The following RFX4 variants were observed in gnomAD, a reference collection of about 807,000 sequenced individuals.
RFX4 encodes the protein transcription factor RFX4.
In RFX4, 10 loss-of-function variants were observed where a neutral mutation model predicts 95.0. The observed-to-expected ratio is 0.11, with a 90% CI of 0.06 to 0.18. The LOEUF (loss-of-function observed/expected upper bound fraction) is 0.18. RFX4 is among the 10% of genes least tolerant of loss of function. The pLI is 1.00. For missense variants in RFX4, 640 were observed against 922.0 expected (o/e 0.69, Z 3.96); for synonymous variants, 321 against 340.7 (o/e 0.94, Z 0.64).
chr12:106,617,163 G>T (rs1181694884), intron 2 of RFX4, among the ~76,000 whole-genome samples: 5 of 152,076 alleles, frequency 3.3e-5, no homozygotes, highest in African/African-American at 9.7e-5. Context: ...TCTTGCCAGG[G>T]TTTATCAATT....
chr12:106,687,139 C>T, intron 6 of RFX4, 42 bp downstream of exon 6: 1 of 1,474,366 alleles, frequency 6.8e-7, no homozygotes, highest in Non-Finnish European at 9.5e-7. Flanking sequence ...GGTGGTTTCT[C>T]TCTCTTTCTC....
chr12:106,659,828 A>G (rs1922429), intron 4 of RFX4, among the ~76,000 whole-genome samples: 31,568 of 152,144 alleles, frequency 0.21, 3,558 homozygotes, highest in South Asian at 0.28. Context: ...TCATTTACAC[A>G]GGATGAGTTA....
rs538218897 is a variant in RFX4, at chr12:106,634,376, A to G, written c.131-4956A>G. On this transcript the variant is annotated intron_variant, in intron 2 of 17. Coordinates refer to ENST00000392842, the MANE Select transcript of RFX4 (RefSeq NM_213594.3). ...GATCCCAGCAGACAGAATTGCTCCA[A>G]AAGCCTCCTGGCCGGCCAGGCACAG... 5.7e-3 allele frequency among the ~76,000 whole-genome samples: 865 copies of G among 152,210 alleles called. 3 individuals carry two copies. The highest frequency in any genetic ancestry group is 8.9e-3 in the Non-Finnish European group (604 of 67,996).
chr12:106,682,852 T>C (rs2041549041), intron 5 of RFX4: 1 of 152,248 alleles, frequency 6.6e-6, no homozygotes, highest in Admixed American at 6.5e-5. Flanking sequence ...CATTAAAATC[T>C]GCATTTATAG....
chr12:106,590,205 T>C (rs1329512531), intron 1 of RFX4, among the ~76,000 whole-genome samples: 1 of 152,256 alleles, frequency 6.6e-6, no homozygotes, highest in African/African-American at 2.4e-5. Flanking sequence ...GGAAGCTTAA[T>C]GTTGCTGAGC....
chr12:106,630,982 C>T (rs769326519), intron 2 of RFX4, among the ~76,000 whole-genome samples: 6 of 152,232 alleles, frequency 3.9e-5, no homozygotes, highest in Non-Finnish European at 8.8e-5. Flanking sequence ...TGCTCTGCCA[C>T]TCACTATGTG....
intron 15 of RFX4, among the ~76,000 whole-genome samples, chr12:106,744,350 T>C (rs534518007): frequency 1.3e-5 from 2 of 152,356 alleles, no homozygotes; most frequent in East Asian, 3.9e-4. Flanking sequence ...GAAAAACATG[T>C]TTAGAAATTT....
rs1050464860 is a variant in RFX4 at position 106,589,090 on chromosome 12, C to T, written c.43+5727C>T. 6.6e-5 allele frequency among the ~76,000 whole-genome samples: 10 copies of T among 152,220 alleles called. No individual in the cohort carries two copies. The South Asian group carries it at 8.3e-4, about 13-fold the overall frequency. On this transcript the variant is annotated intron_variant, in intron 1 of 17. Transcript: ENST00000392842. Reference sequence around the variant, plus strand: ...GCCATAAGGCTCTGCAGGATGGAGACGGTGGGAGAAACCCCCAATGTTGTT... The same window carrying T: ...GCCATAAGGCTCTGCAGGATGGAGATGGTGGGAGAAACCCCCAATGTTGTT...
chr12:106,675,654 A>G (rs2041377964), intron 4 of RFX4, among the ~76,000 whole-genome samples: 1 of 152,226 alleles, frequency 6.6e-6, no homozygotes, highest in African/African-American at 2.4e-5. Flanking sequence ...TCTATGGATC[A>G]CATAACTACG....
intron 3 of RFX4, among the ~76,000 whole-genome samples, chr12:106,652,494 T>A (rs1299079091): frequency 6.6e-6 from 1 of 152,168 alleles, no homozygotes; most frequent in Non-Finnish European, 1.5e-5. Context: ...GATGCAGAAT[T>A]GACTCAGACA....
chr12:106,607,752 G>A (rs985257667), intron 1 of RFX4, among the ~76,000 whole-genome samples: 10 of 148,912 alleles, frequency 6.7e-5, no homozygotes, highest in Admixed American at 6.0e-4. Flanking sequence ...CTTAGCTGAT[G>A]TTGTTGAATG....
At chr12:106,598,490 T>C (rs1373778458) in intron 1 of RFX4, among the ~76,000 whole-genome samples, 1 of 152,096 alleles carries the variant, frequency 6.6e-6, no homozygotes, top group East Asian at 1.9e-4. Context: ...AAAAGAAAGG[T>C]AGTTACCGGG....
intron 2 of RFX4, among the ~76,000 whole-genome samples, chr12:106,622,924 T>C (rs530964033): frequency 6.6e-5 from 10 of 150,666 alleles, no homozygotes; most frequent in Non-Finnish European, 1.3e-4. Context: ...CCTGCCCAAA[T>C]TGCATTTTTT....
rs114998070 is a variant in RFX4, at chr12:106,651,106, A to G, written c.192-3122A>G. Among the ~76,000 whole-genome samples, 1,262 of 152,224 alleles carry G rather than the reference A, an allele frequency of 8.3e-3. 24 individuals carry two copies. Among genetic ancestry groups the G allele is most frequent in the African/African-American group, 0.029 (1,205 of 41,526 alleles). On this transcript the variant is annotated intron_variant, in intron 3 of 17. Transcript: ENST00000392842. ...CATTTAAAGACTCCCTCCACCTCCCATAGTTCTTCCCTTTAGATACCCTTT... is the reference window on the plus strand; with the variant it reads ...CATTTAAAGACTCCCTCCACCTCCCGTAGTTCTTCCCTTTAGATACCCTTT...
At chr12:106,608,775 T>G in intron 1 of RFX4, 22 bp from the exon 2 acceptor site, 1 of 1,557,360 alleles carries the variant, frequency 6.4e-7, no homozygotes, top group East Asian at 2.3e-5. Context: ...TTTCTTTCTT[T>G]CTTTCTTTTT....
At chr12:106,682,376 G>T (rs1262144733) in intron 5 of RFX4, 1 of 384,462 alleles carries the variant, frequency 2.6e-6, no homozygotes, top group Non-Finnish European at 4.8e-6. Flanking sequence ...GGATCACCAG[G>T]TTATCTGGAC....
chr12:106,655,112 G>T (rs2040929907), intron 4 of RFX4, among the ~76,000 whole-genome samples: 1 of 152,174 alleles, frequency 6.6e-6, no homozygotes, highest in Non-Finnish European at 1.5e-5. Flanking sequence ...TGAAATGGCA[G>T]AAAGAGGTCA....
At chr12:106,715,226 C>G (rs1174591830) in intron 10 of RFX4, 174 bp from the exon 11 acceptor site, 2 of 662,126 alleles carry the variant, frequency 3.0e-6, no homozygotes, top group Non-Finnish European at 5.0e-6. Context: ...AAAACAGTGT[C>G]TGCGTCTTCT....
chr12:106,659,001 A>C (rs1024285436), intron 4 of RFX4, among the ~76,000 whole-genome samples: 18 of 152,220 alleles, frequency 1.2e-4, no homozygotes, highest in African/African-American at 4.3e-4. Flanking sequence ...TGAAGCATAA[A>C]CAAAAAATAG....
Sources: allele counts gnomAD v4.1 joint callset (sites outside exome capture counted in the v4.1 genomes callset), GRCh38; gene constraint gnomAD v4.1.1; transcripts MANE v1.5; gene names NCBI Gene and HGNC (gene_info 2026-07-23, HGNC 2026-07-21).